The following ETFRF1 variants were observed in gnomAD, a reference collection of about 807,000 sequenced individuals.
ETFRF1 encodes the protein LYR motif containing 5.
A neutral mutation model predicts 9.0 loss-of-function variants in ETFRF1; 12 were observed. The ratio of observed to expected loss-of-function variants is 1.34; its 90% confidence interval spans 0.86 to 2.16. The LOEUF (loss-of-function observed/expected upper bound fraction) is 2.16, where lower values mean the gene tolerates loss of function less well. Ranked by LOEUF, ETFRF1 falls within the 30% of genes most tolerant of loss-of-function variation. The pLI is 0.00. For missense variants in ETFRF1, 98 were observed against 101.8 expected (o/e 0.96, Z 0.16); for synonymous variants, 34 against 33.2 (o/e 1.02, Z -0.08).
At position 25,195,489 on chromosome 12, in the gene ETFRF1, GTCTT is replaced by G. The variant is rs1950970445; in HGVS notation, c.-38+156_-38+159del. 8.9e-6 allele frequency: 3 copies of G among 335,204 alleles called. No individual in the cohort carries two copies. The South Asian group carries it at 9.2e-5, about 10-fold the overall frequency. The allele number at this position is 335,204 out of a possible 1,614,324, so 20.8% of individuals were successfully genotyped here. ...CGGTTTATTTCCTAGAGTGTGTTGG[GTCTT>G]TCTGTGAGGGTTTCGAGAAGGAAAC... On this transcript the variant is annotated intron_variant, in intron 1 of 2. Coordinates refer to ENST00000381356, the MANE Select transcript of ETFRF1 (RefSeq NM_001001660.3).
chr12:25,195,986 A>G (rs886873008), intron 1 of ETFRF1: 3 of 152,184 alleles, frequency 2.0e-5, no homozygotes, highest in African/African-American at 7.2e-5. Flanking sequence ...GCATACCTAC[A>G]CCCTGTTTTA....
At chr12:25,196,663 A>G (rs1951017533) in intron 1 of ETFRF1, among the ~76,000 whole-genome samples, 1 of 152,198 alleles carries the variant, frequency 6.6e-6, no homozygotes, top group African/African-American at 2.4e-5. Flanking sequence ...TTTCAGAATA[A>G]TAGGGGGCTT....
At chr12:25,202,983 C>T (rs74073347) in intron 1 of ETFRF1, among the ~76,000 whole-genome samples, 1 of 152,082 alleles carries the variant, frequency 6.6e-6, no homozygotes, top group African/African-American at 2.4e-5. Context: ...TTTTTAGCAC[C>T]CAGACCTTGG....
At chr12:25,202,109 C>T (rs1463822633) in intron 1 of ETFRF1, among the ~76,000 whole-genome samples, 1 of 138,810 alleles carries the variant, frequency 7.2e-6, no homozygotes, top group African/African-American at 2.6e-5. Context: ...GGCGCGCACA[C>T]GTAGTCCCAG....
intron 1 of ETFRF1, among the ~76,000 whole-genome samples, chr12:25,199,436 C>T (rs1332725572): frequency 1.3e-5 from 2 of 149,524 alleles, no homozygotes; most frequent in Non-Finnish European, 3.0e-5. Flanking sequence ...CCATAGTATA[C>T]TATATACTAA....
chr12:25,195,934 G>T lies in ETFRF1; in HGVS notation c.-38+597G>T, dbSNP rs1374572863. On this transcript the variant is annotated intron_variant, in intron 1 of 2. Coordinates refer to ENST00000381356, the MANE Select transcript of ETFRF1 (RefSeq NM_001001660.3). ...GACAGGAAAACTACAATTAAGTGAG[G>T]CTGTTCTCCTCAAGCCCGACTGAGT... 5 of 152,154 alleles carry T rather than the reference G, an allele frequency of 3.3e-5. No homozygotes were observed. In the East Asian group the frequency reaches 9.6e-4, roughly 29 times the overall value. The allele number at this position is 152,154 out of a possible 1,614,324, so 9.4% of individuals were successfully genotyped here.
Position 25,204,839 on chromosome 12 carries a change from C to CATT in ETFRF1, c.*529_*531dup, listed in dbSNP as rs1445047315. 3 of 193,944 alleles carry CATT rather than the reference C, an allele frequency of 1.5e-5. No homozygotes were observed. Among genetic ancestry groups the CATT allele is most frequent in the African/African-American group, 7.0e-5 (3 of 43,164 alleles). The allele number at this position is 193,944 out of a possible 1,614,324, so 12.0% of individuals were successfully genotyped here. A position where few individuals can be genotyped will look rare whatever the true frequency, so the allele number is the denominator to read the frequency against. ...TAGAAATAAATAATATGTATGGAGT[C>CATT]ATTACTTCTGACCTTGAAATAGCCT... On this transcript the variant is annotated 3_prime_UTR_variant, in exon 3 of 3. Transcript: ENST00000381356.
chr12:25,202,063 C>CACAAAAAAAAAAAAAA (rs1951077710), intron 1 of ETFRF1, among the ~76,000 whole-genome samples: 7 of 52,814 alleles, frequency 1.3e-4, no homozygotes, highest in African/African-American at 4.1e-4. Flanking sequence ...TACTGAAATA[C>CACAAAAAAAAAAAAAA]AAAAAAAAAA....
intron 1 of ETFRF1, among the ~76,000 whole-genome samples, chr12:25,201,948 C>T (rs569830838): frequency 4.6e-5 from 7 of 151,358 alleles, no homozygotes; most frequent in South Asian, 4.2e-4. Flanking sequence ...CGGCCGGGCA[C>T]GGTGGCTCAC....
In ETFRF1 at chr12:25,203,616, T is replaced by C. The variant is rs369772670; in HGVS notation, c.-37-304T>C. Reference sequence around the variant, plus strand: ...TTAAATCTAGTTTAACTCATTCCACTGTGGCATAAAAGGAGGTACACGTAC... The same window carrying C: ...TTAAATCTAGTTTAACTCATTCCACCGTGGCATAAAAGGAGGTACACGTAC... On this transcript the variant is annotated intron_variant, in intron 1 of 2. Coordinates refer to ENST00000381356, the MANE Select transcript of ETFRF1 (RefSeq NM_001001660.3). 1.5e-5 allele frequency: 3 copies of C among 202,484 alleles called. No individual in the cohort carries two copies. The East Asian group carries it at 3.8e-4, about 25-fold the overall frequency. The allele number at this position is 202,484 out of a possible 1,614,324, so 12.5% of individuals were successfully genotyped here. A position where few individuals can be genotyped will look rare whatever the true frequency, so the allele number is the denominator to read the frequency against.
chr12:25,203,619 G>T (rs1951095258), intron 1 of ETFRF1: 2 of 205,342 alleles, frequency 9.7e-6, no homozygotes, highest in Non-Finnish European at 1.9e-5. Flanking sequence ...ATTCCACTGT[G>T]GCATAAAAGG....
At chr12:25,197,456 A>T (rs1951039962) in intron 1 of ETFRF1, among the ~76,000 whole-genome samples, 1 of 152,216 alleles carries the variant, frequency 6.6e-6, no homozygotes, top group East Asian at 1.9e-4. Context: ...GGTTCCGAAG[A>T]GGTGTTTTTT....
chr12:25,202,794 TAA>T (rs929444804), intron 1 of ETFRF1, among the ~76,000 whole-genome samples: 2 of 152,152 alleles, frequency 1.3e-5, no homozygotes, highest in Non-Finnish European at 2.9e-5. Context: ...TAAACCCATG[TAA>T]AGAGGGGAAA....
At position 25,204,322 on chromosome 12, in the gene ETFRF1, C is replaced by CTTTAA. The variant is rs754746275; in HGVS notation, c.*15_*19dup. 2.8e-5 allele frequency: 43 copies of CTTTAA among 1,543,458 alleles called. No homozygotes were observed. The highest frequency in any genetic ancestry group is 3.3e-5 in the Non-Finnish European group (38 of 1,150,304). ...CAACAAAACTAATTGATCATTACTACTTTAATTTAGCTATCAGTGCCAGCT... is the reference window on the plus strand; with the variant it reads ...CAACAAAACTAATTGATCATTACTACTTTAATTTAATTTAGCTATCAGTGCCAGCT... On this transcript the variant is annotated 3_prime_UTR_variant, in exon 3 of 3. Coordinates refer to ENST00000381356, the MANE Select transcript of ETFRF1 (RefSeq NM_001001660.3).
intron 1 of ETFRF1, among the ~76,000 whole-genome samples, chr12:25,202,990 T>C (rs1951088324): frequency 6.6e-6 from 1 of 152,206 alleles, no homozygotes; most frequent in African/African-American, 2.4e-5. Context: ...CACCCAGACC[T>C]TGGTTTCTAA....
intron 1 of ETFRF1, among the ~76,000 whole-genome samples, chr12:25,196,466 G>A (rs1951009477): frequency 6.6e-6 from 1 of 152,172 alleles, no homozygotes; most frequent in African/African-American, 2.4e-5. Context: ...AGCTCTCACT[G>A]TATCTACCCC....
chr12:25,204,334 T>TATCA lies in ETFRF1; in HGVS notation c.*23_*26dup, dbSNP rs1476530567. 1.3e-6 allele frequency: 2 copies of TATCA among 1,515,272 alleles called. No homozygotes were observed. Among genetic ancestry groups the TATCA allele is most frequent in the Non-Finnish European group, 1.8e-6 (2 of 1,129,782 alleles). The allele number at this position is 1,515,272 out of a possible 1,614,324, so 93.9% of individuals were successfully genotyped here. A position where few individuals can be genotyped will look rare whatever the true frequency, so the allele number is the denominator to read the frequency against. ...TTGATCATTACTACTTTAATTTAGC[T>TATCA]ATCAGTGCCAGCTGTTTATGTATAC... On this transcript the variant is annotated 3_prime_UTR_variant, in exon 3 of 3. Transcript: ENST00000381356.
intron 1 of ETFRF1, among the ~76,000 whole-genome samples, chr12:25,202,871 A>G (rs985238093): frequency 6.6e-6 from 1 of 152,194 alleles, no homozygotes; most frequent in Non-Finnish European, 1.5e-5. Flanking sequence ...GATTAATATA[A>G]AAGTCATACA....
At chr12:25,202,835 G>T (rs953759282) in intron 1 of ETFRF1, among the ~76,000 whole-genome samples, 2 of 152,290 alleles carry the variant, frequency 1.3e-5, no homozygotes, top group South Asian at 2.1e-4. Context: ...TATTGGAATT[G>T]AATGTTAGGT....
Sources: gnomAD v4.1 joint callset for allele counts (sites outside exome capture counted in the v4.1 genomes callset) on GRCh38, gnomAD v4.1.1 for gene constraint, MANE v1.5 for transcripts, NCBI Gene and HGNC (gene_info 2026-07-23, HGNC 2026-07-21) for gene names.